PHACTR2: variants seen among roughly 807,000 people sequenced by gnomAD.
PHACTR2 encodes the protein chromosome 6 open reading frame 56.
PHACTR2 carries 30 observed loss-of-function variants against 76.0 expected under a neutral mutation model. That is an observed-to-expected ratio of 0.39 (90% CI 0.30 to 0.54). The LOEUF is 0.54. PHACTR2 is among the 20% of genes least tolerant of loss of function. The probability of loss-of-function intolerance (pLI) is 0.61; values close to 1 mark genes in which losing one functional copy is unlikely to be tolerated. For missense variants in PHACTR2, 696 were observed against 781.1 expected (o/e 0.89, Z 1.30); for synonymous variants, 292 against 292.5 (o/e 1.00, Z 0.02).
chr6:143,791,229 G>C lies in PHACTR2; in HGVS notation c.1845+2319G>C, dbSNP rs1171327524. The stretch of plus-strand genomic sequence containing the variant: ...TCTGTATTATATGTTTGTTTTCTAT[G>C]TCATTATTTGTTCTTTTCTCTTCTT... On this transcript the variant is annotated intron_variant, in intron 11 of 12. Coordinates refer to ENST00000440869, the MANE Select transcript of PHACTR2 (RefSeq NM_001100164.2). The surrounding 1 kb of genome is among the most constrained non-coding windows in gnomAD (Gnocchi z 4.7). Among the ~76,000 whole-genome samples the C allele has an allele frequency of 1.3e-5, 2 of 151,988 alleles. No homozygotes were observed. Among genetic ancestry groups the C allele is most frequent in the Admixed American group, 6.6e-5 (1 of 15,246 alleles).
At chr6:143,645,280 T>A (rs1776640095) in intron 1 of PHACTR2, among the ~76,000 whole-genome samples, 1 of 145,418 alleles carries the variant, frequency 6.9e-6, no homozygotes, top group Non-Finnish European at 1.6e-5. Context: ...GAAAAGAAAC[T>A]GTAATATATA....
intron 1 of PHACTR2, among the ~76,000 whole-genome samples, chr6:143,600,698 A>G (rs1775804836): frequency 1.3e-5 from 2 of 152,222 alleles, no homozygotes. Flanking sequence ...TTATTTTCAT[A>G]CCAAGACTAT....
intron 2 of PHACTR2, among the ~76,000 whole-genome samples, chr6:143,736,974 C>T (rs1245904533): frequency 6.6e-6 from 1 of 151,912 alleles, no homozygotes; most frequent in Non-Finnish European, 1.5e-5. Context: ...GGGAGTTTGC[C>T]TGTGTTCACC....
chr6:143,540,967 TA>T (rs1781166810), intron 1 of PHACTR2, among the ~76,000 whole-genome samples: 2 of 152,208 alleles, frequency 1.3e-5, no homozygotes, highest in African/African-American at 4.8e-5. Context: ...CAAGCTGGAG[TA>T]CAATGGCTGT....
In PHACTR2 at chr6:143,664,315, TAAAG is replaced by T. The variant is rs1293702177; in HGVS notation, c.14-47695_14-47692del. On this transcript the variant is annotated intron_variant, in intron 1 of 11. Transcript: ENST00000305766. The surrounding 1 kb of genome is among the most constrained non-coding windows in gnomAD (Gnocchi z 5.1). ...GGGTGTGTCTTCTAAAAATGACAGA[TAAAG>T]AAAGAGATGTACTATGTTTCTGCTG... is the stretch of plus-strand genomic sequence containing the variant. Among the ~76,000 whole-genome samples, 1 of 152,168 alleles carries T rather than the reference TAAAG, an allele frequency of 6.6e-6. No homozygotes were observed. Among genetic ancestry groups the T allele is most frequent in the Non-Finnish European group, 1.5e-5 (1 of 68,004 alleles).
At chr6:143,605,225 C>T (rs1012123064), upstream of PHACTR2, among the ~76,000 whole-genome samples, 7 of 152,076 alleles carry the variant, frequency 4.6e-5, no homozygotes, top group African/African-American at 1.7e-4. This position sits in a 1 kb window ranked among gnomAD's most constrained non-coding sequence, Gnocchi z 5.0. Context: ...TTACCCCAGC[C>T]TCAAACAAGT....
chr6:143,701,768 A>C (rs1299612190), intron 1 of PHACTR2, among the ~76,000 whole-genome samples: 1 of 152,210 alleles, frequency 6.6e-6, no homozygotes, highest in African/African-American at 2.4e-5. Flanking sequence ...GTAATGATGA[A>C]AGAGGCAGTA....
chr6:143,756,567 C>T (rs1303581644), intron 4 of PHACTR2, among the ~76,000 whole-genome samples: 23 of 138,060 alleles, frequency 1.7e-4, no homozygotes, highest in Non-Finnish European at 2.8e-4. Context: ...GGCGTGGTGG[C>T]GGGCGCCTGT....
intron 1 of PHACTR2, among the ~76,000 whole-genome samples, chr6:143,552,595 C>T (rs1167425851): frequency 1.3e-5 from 2 of 152,022 alleles, no homozygotes; most frequent in Non-Finnish European, 1.5e-5. Context: ...GTAGATGGTG[C>T]TCTATCAGAA....
chr6:143,575,065 G>T (rs2128432179), intron 1 of PHACTR2, among the ~76,000 whole-genome samples: 1 of 152,196 alleles, frequency 6.6e-6, no homozygotes, highest in Non-Finnish European at 1.5e-5. Flanking sequence ...ATAATTAAGA[G>T]ATGATAAACA....
intron 1 of PHACTR2, among the ~76,000 whole-genome samples, chr6:143,705,998 TTATC>T (rs1778045106): frequency 6.6e-6 from 1 of 152,272 alleles, no homozygotes; most frequent in Non-Finnish European, 1.5e-5. Context: ...CATTCAATAT[TTATC>T]TATATGAGTA....
At chr6:143,766,696 A>G (rs1352905480) in intron 6 of PHACTR2, among the ~76,000 whole-genome samples, 2 of 152,210 alleles carry the variant, frequency 1.3e-5, no homozygotes, top group Admixed American at 6.5e-5. Context: ...TAGTTGCTTT[A>G]CCACCACCCA....
chr6:143,565,604 CAAA>C lies in PHACTR2; in HGVS notation c.217+28414_217+28416del, dbSNP rs556657528. On this transcript the variant is annotated intron_variant, in intron 1 of 11. Coordinates refer to the PHACTR2 transcript ENST00000367584. ...TGGGTGACAGAGCGAGACTCCGTCT[CAAA>C]AAAAAAAAAAAAAAAAGAGTGCCAA... Among the ~76,000 whole-genome samples the C allele has an allele frequency of 1.2e-3, 127 of 105,930 alleles. 1 individual carries two copies. Among genetic ancestry groups the C allele is most frequent in the Middle Eastern group, 5.0e-3 (1 of 202 alleles). The allele number at this position is 105,930 out of a possible 152,430, so 69.5% of individuals were successfully genotyped here.
Position 143,824,347 on chromosome 6 carries a change from C to A in PHACTR2, c.*658C>A, listed in dbSNP as rs1255895930. On this transcript the variant is annotated 3_prime_UTR_variant, in exon 13 of 13. Coordinates refer to ENST00000440869, the MANE Select transcript of PHACTR2 (RefSeq NM_001100164.2). This position sits in a 1 kb window ranked among gnomAD's most constrained non-coding sequence, Gnocchi z 6.3. Reference sequence around the variant, plus strand: ...AATAAGTCTGAATGTTTTCATGCATCTTTTTCTTAAATGCAAGAGCTTCTA... The same window carrying A: ...AATAAGTCTGAATGTTTTCATGCATATTTTTCTTAAATGCAAGAGCTTCTA... The A allele has an allele frequency of 6.6e-6, 1 of 152,604 alleles. No homozygotes were observed. The highest frequency in any genetic ancestry group is 2.4e-5 in the African/African-American group (1 of 41,434). The allele number at this position is 152,604 out of a possible 1,614,324, so 9.5% of individuals were successfully genotyped here.
rs1775620643 is a variant in PHACTR2, at chr6:143,789,118, T to C, written c.1845+208T>C. 1.4e-5 allele frequency: 6 copies of C among 441,864 alleles called. No homozygotes were observed. In the Admixed American group the frequency reaches 2.0e-4, roughly 15 times the overall value. 27.4% of individuals were successfully genotyped at this position (441,864 alleles called of 1,614,324 possible). ...ACTAAGTCTCAGAGAAAAGTAGTTATTTACCATATAACCTACCTGCTTTCA... is the reference window on the plus strand; with the variant it reads ...ACTAAGTCTCAGAGAAAAGTAGTTACTTACCATATAACCTACCTGCTTTCA... On this transcript the variant is annotated intron_variant, in intron 11 of 12. Coordinates refer to ENST00000440869, the MANE Select transcript of PHACTR2 (RefSeq NM_001100164.2). The surrounding 1 kb of genome is among the most constrained non-coding windows in gnomAD (Gnocchi z 5.1).
chr6:143,749,516 C>T (rs1193181727), intron 3 of PHACTR2, among the ~76,000 whole-genome samples: 2 of 152,190 alleles, frequency 1.3e-5, no homozygotes, highest in Non-Finnish European at 2.9e-5. Flanking sequence ...GTCCTTTGCA[C>T]TCTATAATAA....
rs901574141 is a variant in PHACTR2 at position 143,598,234 on chromosome 6, G to A, written c.217+61027G>A. On this transcript the variant is annotated intron_variant, in intron 1 of 11. Coordinates refer to the PHACTR2 transcript ENST00000367584. This position sits in a 1 kb window ranked among gnomAD's most constrained non-coding sequence, Gnocchi z 4.1. Reference sequence around the variant, plus strand: ...GAAATGATCCTACATTATTTGGCTGGGCTCAGTGTAATCACAGGATTCCTT... The same window carrying A: ...GAAATGATCCTACATTATTTGGCTGAGCTCAGTGTAATCACAGGATTCCTT... 6.6e-6 allele frequency among the ~76,000 whole-genome samples: 1 copy of A among 152,100 alleles called. No individual in the cohort carries two copies. Among genetic ancestry groups the A allele is most frequent in the African/African-American group, 2.4e-5 (1 of 41,394 alleles).
chr6:143,725,970 T>G (rs2128464454), intron 2 of PHACTR2, among the ~76,000 whole-genome samples: 1 of 152,334 alleles, frequency 6.6e-6, no homozygotes. Context: ...TGAATAGTAT[T>G]TCATGGAATA....
intron 12 of PHACTR2, among the ~76,000 whole-genome samples, chr6:143,814,121 C>T (rs1171096267): frequency 6.6e-6 from 1 of 152,140 alleles, no homozygotes; most frequent in Non-Finnish European, 1.5e-5. Context: ...TTTGGGGGGC[C>T]GTGGCCAGAG....
Sources: allele counts gnomAD v4.1 joint callset (sites outside exome capture counted in the v4.1 genomes callset), GRCh38; gene constraint gnomAD v4.1.1; non-coding constraint Gnocchi (gnomAD v3.1); transcripts MANE v1.5; gene names NCBI Gene and HGNC (gene_info 2026-07-23, HGNC 2026-07-21).